Variants in MAMLD1 observed in about 807,000 individuals in gnomAD.
MAMLD1 encodes the protein mastermind like domain containing 1.
A neutral mutation model predicts 45.0 loss-of-function variants in MAMLD1; 14 were observed. The ratio of observed to expected loss-of-function variants is 0.31; its 90% CI spans 0.21 to 0.49. The LOEUF is 0.49. MAMLD1 is among the 20% of genes least tolerant of loss of function. The probability of loss-of-function intolerance (pLI) is 0.99; values close to 1 mark genes in which losing one functional copy is unlikely to be tolerated. For missense variants in MAMLD1, 543 were observed against 603.6 expected (o/e 0.90, Z 1.05); for synonymous variants, 254 against 247.8 (o/e 1.02, Z -0.24).
intron 5 of MAMLD1, among the ~76,000 whole-genome samples, chrX:150,479,824 G>T (rs1020268464): frequency 4.5e-5 from 5 of 112,063 alleles, no homozygotes; most frequent in Non-Finnish European, 9.4e-5. Flanking sequence ...CAGGTGAAAA[G>T]TTCGCAAAAT....
intron 1 of MAMLD1, among the ~76,000 whole-genome samples, chrX:150,393,648 T>C (rs1404024620): frequency 1.8e-5 from 2 of 112,470 alleles, no homozygotes; most frequent in Admixed American, 1.9e-4. Context: ...GTAGCCGTTA[T>C]CTCATTGTTG....
intron 5 of MAMLD1, among the ~76,000 whole-genome samples, chrX:150,476,991 C>T (rs952673824): frequency 7.1e-5 from 8 of 112,996 alleles, no homozygotes; most frequent in African/African-American, 1.6e-4. Flanking sequence ...CTGAACCCTC[C>T]GAAGTGCAGT....
intron 2 of MAMLD1, among the ~76,000 whole-genome samples, chrX:150,456,005 T>C (rs2035852706): frequency 9.0e-6 from 1 of 111,148 alleles, no homozygotes; most frequent in South Asian, 3.8e-4. Context: ...TATCCTGTGA[T>C]GTATGGTTTG....
intron 1 of MAMLD1, among the ~76,000 whole-genome samples, chrX:150,398,246 G>GAGAAAGAGAAGA (rs1569564542): frequency 8.6e-5 from 6 of 70,062 alleles, no homozygotes; most frequent in Non-Finnish European, 1.4e-4. Flanking sequence ...GGAGAAGGAG[G>GAGAAAGAGAAGA]AGAAGGAGAA....
chrX:150,511,803 T>C lies in MAMLD1; in HGVS notation c.*45-201T>C, dbSNP rs782726475. Among the ~76,000 whole-genome samples the C allele has an allele frequency of 2.7e-5, 3 of 111,605 alleles. No homozygotes were observed. The Admixed American group carries it at 2.8e-4, about 11-fold the overall frequency. On this transcript the variant is annotated intron_variant, in intron 7 of 7. Coordinates refer to ENST00000370401, the MANE Select transcript of MAMLD1 (RefSeq NM_005491.5). ...ACAGACCTAGGGAGTTGGGGCAGCT[T>C]CCCAGAAGAACTGCAGTCCAGGCTG...
intron 2 of MAMLD1, among the ~76,000 whole-genome samples, chrX:150,448,947 C>T (rs1212076004): frequency 9.0e-6 from 1 of 111,372 alleles, no homozygotes; most frequent in Non-Finnish European, 1.9e-5. Context: ...AAGGCAGCTC[C>T]TAGACAAAAT....
chrX:150,497,283 C>CTTTTTTTTTTTT (rs782269885), intron 5 of MAMLD1, among the ~76,000 whole-genome samples: 9 of 85,241 alleles, frequency 1.1e-4, no homozygotes, highest in African/African-American at 2.7e-4. Flanking sequence ...TCTTTTTTTT[C>CTTTTTTTTTTTT]TTTTTTTTTT....
intron 1 of MAMLD1, among the ~76,000 whole-genome samples, chrX:150,366,178 C>T (rs1280997882): frequency 1.8e-5 from 2 of 112,210 alleles, no homozygotes; most frequent in Non-Finnish European, 3.8e-5. Context: ...GCCTCCGCCC[C>T]TCCTACTTCC....
At chrX:150,503,844 G>C (rs1437219644) in intron 6 of MAMLD1, among the ~76,000 whole-genome samples, 1 of 112,178 alleles carries the variant, frequency 8.9e-6, no homozygotes, top group Non-Finnish European at 1.9e-5. Flanking sequence ...CCAGTACCCC[G>C]TTTCCATACC....
intron 1 of MAMLD1, among the ~76,000 whole-genome samples, chrX:150,441,380 T>A (rs1293075279): frequency 8.3e-5 from 9 of 109,054 alleles, no homozygotes; most frequent in African/African-American, 3.0e-4. Context: ...AAGTGGAAGC[T>A]TATATTATTA....
At chrX:150,440,928 T>C (rs1171178324) in intron 1 of MAMLD1, among the ~76,000 whole-genome samples, 12 of 103,262 alleles carry the variant, frequency 1.2e-4, no homozygotes, top group African/African-American at 3.9e-4. Flanking sequence ...TTATTAAATA[T>C]AATATTATTA....
At chrX:150,494,657 G>A (rs914909481) in intron 5 of MAMLD1, among the ~76,000 whole-genome samples, 7 of 111,225 alleles carry the variant, frequency 6.3e-5, no homozygotes, top group African/African-American at 2.3e-4. Flanking sequence ...GAGGCAGGCA[G>A]ATCGCTTGAG....
intron 6 of MAMLD1, 78 bp downstream of exon 6, chrX:150,503,595 C>T (rs1183753730): frequency 6.4e-6 from 4 of 620,170 alleles, no homozygotes; most frequent in East Asian, 3.5e-5. Flanking sequence ...GCCCGCCTGC[C>T]TCACAGGGTT....
chrX:150,488,846 A>G (rs1800699895), intron 5 of MAMLD1, among the ~76,000 whole-genome samples: 1 of 112,973 alleles, frequency 8.9e-6, no homozygotes, highest in South Asian at 3.6e-4. Flanking sequence ...CATGAGGGAG[A>G]GAGAAGTATG....
At chrX:150,445,307 G>A in intron 1 of MAMLD1, 147 bp from the exon 2 acceptor site, 2 of 426,305 alleles carry the variant, frequency 4.7e-6, no homozygotes, top group East Asian at 4.0e-5. Flanking sequence ...GGGTGGGGGT[G>A]CTCAATGAGG....
At chrX:150,392,854 C>T (rs2033246275) in intron 1 of MAMLD1, among the ~76,000 whole-genome samples, 2 of 110,100 alleles carry the variant, frequency 1.8e-5, no homozygotes, top group African/African-American at 3.3e-5. Flanking sequence ...TTCCAATATA[C>T]CTCTTGCCCC....
At chrX:150,416,612 C>G (rs981850648) in intron 1 of MAMLD1, among the ~76,000 whole-genome samples, 5 of 112,008 alleles carry the variant, frequency 4.5e-5, no homozygotes, top group Non-Finnish European at 7.5e-5. Context: ...TGTCTGGGAA[C>G]CATTTCCGAA....
rs1381278044 is a variant in MAMLD1, at chrX:150,512,800, A to G, written c.*841A>G. The G allele has an allele frequency of 8.7e-7, 1 of 1,153,943 alleles. No individual in the cohort carries two copies. The highest frequency in any genetic ancestry group is 2.6e-5 in the Admixed American group (1 of 38,546). ...CTGCCGTTGCTGCCAGCCAGTTCCCAGGTCCGTTCGACAGAACGGATATTC... is the reference window on the plus strand; with the variant it reads ...CTGCCGTTGCTGCCAGCCAGTTCCCGGGTCCGTTCGACAGAACGGATATTC... On this transcript the variant is annotated 3_prime_UTR_variant, in exon 8 of 8. Coordinates refer to ENST00000370401, the MANE Select transcript of MAMLD1 (RefSeq NM_005491.5).
chrX:150,373,861 G>C (rs1304284308), intron 1 of MAMLD1, among the ~76,000 whole-genome samples: 1 of 111,694 alleles, frequency 9.0e-6, no homozygotes, highest in East Asian at 2.8e-4. Flanking sequence ...TGCTGTTTAG[G>C]GCACAGGTAA....
Sources: gnomAD v4.1 joint callset for allele counts (sites outside exome capture counted in the v4.1 genomes callset) on GRCh38, gnomAD v4.1.1 for gene constraint, MANE v1.5 for transcripts, NCBI Gene and HGNC (gene_info 2026-07-23, HGNC 2026-07-21) for gene names.